Variants in RNF216 observed in about 807,000 individuals in gnomAD.
The protein encoded by RNF216 is E3 ubiquitin-protein ligase RNF216.
Under a neutral mutation model 110.8 loss-of-function variants are expected in RNF216, and 72 were observed. The observed-to-expected ratio is 0.65, with a 90% CI of 0.54 to 0.79. The LOEUF (loss-of-function observed/expected upper bound fraction) is 0.79. Ranked by LOEUF, RNF216 falls within the 30% of genes least tolerant of loss-of-function variation. The probability of loss-of-function intolerance (pLI) is 0.00; values close to 1 mark genes in which losing one functional copy is unlikely to be tolerated. For missense variants in RNF216, 1,342 were observed against 1,141.2 expected, an observed-to-expected ratio of 1.18 and a Z score of -2.54; for synonymous variants, 495 against 407.5, an observed-to-expected ratio of 1.21 and a Z score of -2.59.
At chr7:5,648,649 A>G (rs1164575728) in intron 14 of RNF216, among the ~76,000 whole-genome samples, 1 of 151,282 alleles carries the variant, frequency 6.6e-6, no homozygotes, top group Non-Finnish European at 1.5e-5. Context: ...AACGGTGTGA[A>G]CCTGGGAGGC....
chr7:5,717,257 G>A (rs1156376169), intron 9 of RNF216, among the ~76,000 whole-genome samples: 2 of 152,150 alleles, frequency 1.3e-5, no homozygotes, highest in African/African-American at 4.8e-5. Context: ...GGAGGCTGAA[G>A]CAGGAAGATT....
intron 8 of RNF216, among the ~76,000 whole-genome samples, chr7:5,722,062 T>C (rs1029760471): frequency 2.0e-5 from 3 of 151,992 alleles, no homozygotes; most frequent in African/African-American, 7.3e-5. Context: ...GCTGGGACTA[T>C]ACAGGCAGAT....
intron 14 of RNF216, among the ~76,000 whole-genome samples, chr7:5,644,746 C>T (rs1318087568): frequency 6.6e-6 from 1 of 152,058 alleles, no homozygotes; most frequent in East Asian, 1.9e-4. Context: ...CTTAAGCTAT[C>T]TGCCCGACCT....
chr7:5,699,176 G>A (rs1791815905), intron 13 of RNF216, among the ~76,000 whole-genome samples: 2 of 151,998 alleles, frequency 1.3e-5, no homozygotes, highest in African/African-American at 4.8e-5. Context: ...TACCCTACCT[G>A]TTCACTCATC....
chr7:5,695,403 G>A (rs1297187237), intron 13 of RNF216, among the ~76,000 whole-genome samples: 2 of 152,200 alleles, frequency 1.3e-5, no homozygotes, highest in South Asian at 2.1e-4. Context: ...CGGCAGAAGC[G>A]CCACATCGCC....
chr7:5,636,421 T>C (rs1375188015), intron 15 of RNF216, among the ~76,000 whole-genome samples: 2 of 152,212 alleles, frequency 1.3e-5, no homozygotes, highest in African/African-American at 2.4e-5. Context: ...TGTGGAGTGG[T>C]AGTTCAGGTT....
intron 2 of RNF216, among the ~76,000 whole-genome samples, chr7:5,757,749 G>A (rs1037536166): frequency 5.3e-5 from 8 of 152,198 alleles, no homozygotes; most frequent in African/African-American, 1.9e-4. Flanking sequence ...ACTGCAAAGA[G>A]GCACAAGGGA....
chr7:5,748,213 T>C (rs188310775), intron 3 of RNF216, among the ~76,000 whole-genome samples: 2 of 152,328 alleles, frequency 1.3e-5, no homozygotes, highest in African/African-American at 4.8e-5. Flanking sequence ...AACCAGTTTC[T>C]GCCAGCTTAT....
chr7:5,638,689 G>A (rs571525673), intron 15 of RNF216, among the ~76,000 whole-genome samples: 2 of 147,752 alleles, frequency 1.4e-5, no homozygotes, highest in African/African-American at 5.1e-5. Context: ...CCAGGCTACA[G>A]TGCAGTGGCA....
rs553219140 is a variant in RNF216 at position 5,780,808 on chromosome 7, A to C, written c.-70+733T>G. Among the ~76,000 whole-genome samples the C allele has an allele frequency of 1.5e-3, 227 of 152,304 alleles. 2 individuals are homozygous for C. Among genetic ancestry groups the C allele is most frequent in the African/African-American group, 5.2e-3 (216 of 41,582 alleles). On this transcript the variant is annotated intron_variant, in intron 1 of 16. Coordinates refer to ENST00000389902, the MANE Select transcript of RNF216 (RefSeq NM_207111.4). ...TACCCAGGCCCTTAGGGATTTACAG[A>C]GCCCTGTCGGATTTGTCAGAAATTT...
chr7:5,699,236 T>C (rs770897672), intron 13 of RNF216, among the ~76,000 whole-genome samples: 104 of 152,208 alleles, frequency 6.8e-4, no homozygotes, highest in Admixed American at 3.9e-4. Context: ...ACAAATCTTT[T>C]CATTTATAAA....
chr7:5,692,855 G>GT (rs1248540712), intron 13 of RNF216, among the ~76,000 whole-genome samples: 1 of 152,214 alleles, frequency 6.6e-6, no homozygotes, highest in Non-Finnish European at 1.5e-5. Context: ...GGTATACAAT[G>GT]TGACACATGC....
intron 4 of RNF216, among the ~76,000 whole-genome samples, chr7:5,740,677 G>C (rs763807693): frequency 1.3e-5 from 2 of 151,984 alleles, no homozygotes; most frequent in East Asian, 3.9e-4. Flanking sequence ...GTTTCCATTT[G>C]GAGTGAACTC....
intron 15 of RNF216, among the ~76,000 whole-genome samples, chr7:5,630,237 AAG>A (rs1374129798): frequency 2.0e-4 from 31 of 152,090 alleles, no homozygotes; most frequent in African/African-American, 7.2e-4. Context: ...TGGCTTCTTC[AAG>A]AGAGGCTGCT....
At chr7:5,759,465 T>A (rs1389388599) in intron 2 of RNF216, among the ~76,000 whole-genome samples, 1 of 152,158 alleles carries the variant, frequency 6.6e-6, no homozygotes, top group African/African-American at 2.4e-5. Flanking sequence ...TTTCTCTTCC[T>A]TATGATTTTC....
At chr7:5,762,306 T>C (rs569008812) in intron 1 of RNF216, among the ~76,000 whole-genome samples, 8 of 151,946 alleles carry the variant, frequency 5.3e-5, no homozygotes, top group Non-Finnish European at 1.2e-4. Context: ...ATGGATCACC[T>C]AAGGTGAGGA....
At chr7:5,767,415 G>A (rs888297193) in intron 1 of RNF216, among the ~76,000 whole-genome samples, 1 of 152,068 alleles carries the variant, frequency 6.6e-6, no homozygotes, top group East Asian at 1.9e-4. Flanking sequence ...TGAGACTTAA[G>A]GGACAAAATT....
intron 13 of RNF216, among the ~76,000 whole-genome samples, chr7:5,659,622 G>A (rs1177584126): frequency 3.3e-5 from 5 of 152,206 alleles, no homozygotes; most frequent in African/African-American, 1.2e-4. Context: ...ACTGTTAAAG[G>A]GATGGTTTGC....
At chr7:5,652,330 A>T in intron 14 of RNF216, 83 bp downstream of exon 14, 1 of 990,126 alleles carries the variant, frequency 1.0e-6, no homozygotes, top group Non-Finnish European at 1.6e-6. Context: ...TTCTTCCGAC[A>T]ACAGTATGCC....
Sources: allele counts gnomAD v4.1 joint callset (sites outside exome capture counted in the v4.1 genomes callset), GRCh38; gene constraint gnomAD v4.1.1; transcripts MANE v1.5; gene names NCBI Gene and HGNC (gene_info 2026-07-23, HGNC 2026-07-21).